Variants in NAV2 observed in about 807,000 individuals in gnomAD.
The protein encoded by NAV2 is helicase, APC down-regulated 1.
NAV2 carries 54 observed loss-of-function variants against 223.2 expected under a neutral mutation model. The ratio of observed to expected loss-of-function variants is 0.24; its 90% confidence interval spans 0.19 to 0.30. The LOEUF (loss-of-function observed/expected upper bound fraction) is 0.30, where lower values mean the gene tolerates loss of function less well. Ranked by LOEUF, NAV2 falls within the 10% of genes least tolerant of loss-of-function variation. NAV2 has a pLI of 1.00. For synonymous variants in NAV2, 1,279 were observed against 1,239.3 expected, an observed-to-expected ratio of 1.03 and a Z score of -0.67; for missense variants, 2,806 against 3,147.5, an observed-to-expected ratio of 0.89 and a Z score of 2.60.
At chr11:19,359,582 A>C (rs909935940) in intron 1 of NAV2, among the ~76,000 whole-genome samples, 2 of 152,260 alleles carry the variant, frequency 1.3e-5, no homozygotes, top group Non-Finnish European at 2.9e-5. Context: ...TTCTGAGGGC[A>C]GAGTCAGTGT....
intron 26 of NAV2, 88 bp downstream of exon 26, chr11:20,083,267 C>A (rs1175116707): frequency 1.9e-6 from 2 of 1,067,058 alleles, no homozygotes; most frequent in Admixed American, 2.2e-5. Flanking sequence ...TATGACACAT[C>A]TGCTCCTTGG....
rs138480290 is a variant in NAV2 at position 19,807,525 on chromosome 11, A to G, written c.268-24959A>G. Among the ~76,000 whole-genome samples, 477 of 152,316 alleles carry G rather than the reference A, an allele frequency of 3.1e-3. 6 individuals carry two copies. Among genetic ancestry groups the G allele is most frequent in the African/African-American group, 0.01 (430 of 41,580 alleles). On this transcript the variant is annotated intron_variant, in intron 1 of 37. Coordinates refer to ENST00000349880, the MANE Select transcript of NAV2 (RefSeq NM_145117.5). Reference sequence around the variant, plus strand: ...TGAGACATTTGAATTCCTTGCCCCAATGGTGGGGGCTGCAGGCCAATCCCA... The same window carrying G: ...TGAGACATTTGAATTCCTTGCCCCAGTGGTGGGGGCTGCAGGCCAATCCCA...
At chr11:19,586,545 A>T (rs1041334948) in intron 1 of NAV2, among the ~76,000 whole-genome samples, 1 of 152,140 alleles carries the variant, frequency 6.6e-6, no homozygotes, top group Non-Finnish European at 1.5e-5. Context: ...GGTGACGTAC[A>T]TATGGGGTTT....
Position 19,830,157 on chromosome 11 carries a change from G to A in NAV2, c.268-2327G>A, listed in dbSNP as rs368821706. Reference sequence around the variant, plus strand: ...GGAGAATTTCTTGAACCCGGGAGGCGGAGGTTGCAGTGAGCCGAGATCACG... The same window carrying A: ...GGAGAATTTCTTGAACCCGGGAGGCAGAGGTTGCAGTGAGCCGAGATCACG... On this transcript the variant is annotated intron_variant, in intron 1 of 37. Transcript: ENST00000349880. Among the ~76,000 whole-genome samples, 330 of 152,244 alleles carry A rather than the reference G, an allele frequency of 2.2e-3. 2 individuals are homozygous for A. Among genetic ancestry groups the A allele is most frequent in the Non-Finnish European group, 3.9e-3 (267 of 68,018 alleles).
intron 1 of NAV2, among the ~76,000 whole-genome samples, chr11:19,793,172 C>T (rs1243817571): frequency 7.2e-6 from 1 of 138,772 alleles, no homozygotes. Flanking sequence ...CATGTCATTG[C>T]ACTCCAGCCT....
At chr11:19,716,239 T>C (rs529444748) in intron 1 of NAV2, among the ~76,000 whole-genome samples, 7 of 152,208 alleles carry the variant, frequency 4.6e-5, no homozygotes, top group Admixed American at 1.3e-4. Context: ...TGGCAGGAGA[T>C]TGGGTTGTGT....
chr11:20,103,769 A>G, intron 34 of NAV2, 45 bp downstream of exon 34: 2 of 1,571,126 alleles, frequency 1.3e-6, no homozygotes, highest in Non-Finnish European at 1.8e-6. Flanking sequence ...GGAATCACAA[A>G]GAAGAAAAGC....
At chr11:19,512,995 C>A (rs76455931) in intron 1 of NAV2, among the ~76,000 whole-genome samples, 2 of 151,842 alleles carry the variant, frequency 1.3e-5, no homozygotes, top group African/African-American at 4.9e-5. Flanking sequence ...CCAAGAAGGA[C>A]GATACGTAAC....
upstream of NAV2, among the ~76,000 whole-genome samples, chr11:19,346,775 A>G (rs1360110503): frequency 6.6e-6 from 1 of 152,134 alleles, no homozygotes; most frequent in Non-Finnish European, 1.5e-5. Context: ...CTAGATTAGA[A>G]ACTCAGCCCA....
intron 1 of NAV2, among the ~76,000 whole-genome samples, chr11:19,721,478 T>C (rs1039813791): frequency 2.0e-5 from 3 of 152,234 alleles, no homozygotes; most frequent in Admixed American, 6.5e-5. Context: ...AAATCACTTG[T>C]TGGCATGAGG....
In NAV2 at chr11:19,713,559, T is replaced by G; in HGVS notation, c.-137T>G. On this transcript the variant is annotated 5_prime_UTR_variant, in exon 1 of 38. Coordinates refer to ENST00000349880, the MANE Select transcript of NAV2 (RefSeq NM_145117.5). The surrounding 1 kb of genome is among the most constrained non-coding windows in gnomAD (Gnocchi z 7.2). ...TGCTTCGAGTTCCCCGACCTGGGGA[T>G]TTTTTTTTTAGCCGCTGGTGGTGGG... 1.8e-6 allele frequency: 2 copies of G among 1,114,526 alleles called. No individual in the cohort carries two copies. The highest frequency in any genetic ancestry group is 2.3e-6 in the Non-Finnish European group (2 of 884,170). 69.0% of individuals were successfully genotyped at this position (1,114,526 alleles called of 1,614,324 possible).
At chr11:20,004,446 C>G (rs780726351) in intron 11 of NAV2, among the ~76,000 whole-genome samples, 28 of 152,146 alleles carry the variant, frequency 1.8e-4, no homozygotes, top group Non-Finnish European at 3.8e-4. Context: ...TTACAGCACC[C>G]CTAGGAACCC....
intron 1 of NAV2, among the ~76,000 whole-genome samples, chr11:19,666,579 G>C (rs895815865): frequency 6.6e-6 from 1 of 152,180 alleles, no homozygotes; most frequent in Non-Finnish European, 1.5e-5. Context: ...TGTGGAGCTT[G>C]GGGATGTCAT....
intron 1 of NAV2, among the ~76,000 whole-genome samples, chr11:19,746,847 A>C (rs898622503): frequency 6.6e-6 from 1 of 152,122 alleles, no homozygotes; most frequent in Non-Finnish European, 1.5e-5. Context: ...TTAAAAAAAA[A>C]CATGAAGATT....
At chr11:19,535,134 G>C (rs1164608512) in intron 1 of NAV2, among the ~76,000 whole-genome samples, 1 of 152,188 alleles carries the variant, frequency 6.6e-6, no homozygotes, top group Non-Finnish European at 1.5e-5. Context: ...AGATTGTGCA[G>C]GCAGGGCTGT....
chr11:19,518,297 C>A (rs1437737593), intron 1 of NAV2: 1 of 152,210 alleles, frequency 6.6e-6, no homozygotes, highest in Non-Finnish European at 1.5e-5. Flanking sequence ...GGGGAAACAG[C>A]CTACCCTTGC....
chr11:19,353,228 T>C (rs148420925), intron 1 of NAV2, among the ~76,000 whole-genome samples: 3 of 152,232 alleles, frequency 2.0e-5, no homozygotes, highest in African/African-American at 7.2e-5. Context: ...CGAAAGACAA[T>C]TGTGAGATAA....
Position 20,083,170 on chromosome 11 carries a change from C to G in NAV2, c.5489C>G (p.Ser1830Cys), listed in dbSNP as rs957579587. ...ACCCCACTGCTGAGGAATTCTCACT[C>G]CAACTCTCTGTAAGTCTGTCTGTCT... is the stretch of plus-strand genomic sequence containing the variant. ...GSTPLLRNSHSNSLISECMDS... is the reference protein window; with the variant it reads ...GSTPLLRNSHCNSLISECMDS... The change falls in exon 26 of 38, where the codon TCC becomes TGC. Residue 1830 changes from serine (S) to cysteine (C), a missense_variant. Ser to Cys is a moderately radical substitution (Grantham distance 112). Around this residue, in one of 4 missense-constraint regions of NAV2, gnomAD observed 824 missense variants for 1,069.4 expected, o/e 0.77. Transcript: ENST00000349880. The G allele has an allele frequency of 1.2e-6, 2 of 1,612,684 alleles. No homozygotes were observed. Among genetic ancestry groups the G allele is most frequent in the Non-Finnish European group, 1.7e-6 (2 of 1,179,370 alleles).
chr11:19,774,122 A>C (rs1239029302), intron 1 of NAV2, among the ~76,000 whole-genome samples: 3 of 152,204 alleles, frequency 2.0e-5, no homozygotes, highest in Non-Finnish European at 4.4e-5. Flanking sequence ...TGCCAGAAGC[A>C]GGTCAGCATC....
Sources: gnomAD v4.1 joint callset for allele counts (sites outside exome capture counted in the v4.1 genomes callset) on GRCh38, gnomAD v4.1.1 for gene constraint, gnomAD v4.1.1 regional missense constraint, Gnocchi (gnomAD v3.1) non-coding constraint, MANE v1.5 for transcripts, NCBI Gene and HGNC (gene_info 2026-07-23, HGNC 2026-07-21) for gene names.